CERT1: variants seen among roughly 807,000 people sequenced by gnomAD.
The protein encoded by CERT1 is ceramide transporter 1, also known as ceramide transfer protein.
In CERT1, 31 loss-of-function variants were observed where a neutral mutation model predicts 87.9. The observed-to-expected ratio is 0.35, with a 90% CI of 0.27 to 0.48. The LOEUF is 0.48. Among genes scored for constraint, CERT1 ranks in the 20% least tolerant of loss-of-function variants. CERT1 has a pLI of 0.99. For synonymous variants in CERT1, 289 were observed against 250.9 expected (o/e 1.15, Z -1.44); for missense variants, 487 against 758.0 (o/e 0.64, Z 4.20).
At chr5:75,386,132 A>G (rs1204582456) in intron 12 of CERT1, 98 bp from the exon 13 acceptor site, 2 of 929,932 alleles carry the variant, frequency 2.2e-6, no homozygotes, top group Non-Finnish European at 2.9e-6. Flanking sequence ...TTAGATTTTT[A>G]TGAAAGTCTA....
intron 8 of CERT1, among the ~76,000 whole-genome samples, chr5:75,405,707 A>G (rs1762674684): frequency 6.6e-6 from 1 of 152,184 alleles, no homozygotes; most frequent in South Asian, 2.1e-4. Flanking sequence ...AGAGAAAGAG[A>G]CTACATTCAT....
intron 8 of CERT1, 100 bp from the exon 9 acceptor site, chr5:75,403,158 A>G (rs1762566105): frequency 5.2e-6 from 4 of 762,314 alleles, no homozygotes; most frequent in Non-Finnish European, 9.3e-6. Context: ...GACCTAATAA[A>G]CATTTATTGA....
chr5:75,461,150 T>C (rs1765209978), intron 2 of CERT1, among the ~76,000 whole-genome samples: 2 of 152,194 alleles, frequency 1.3e-5, no homozygotes, highest in South Asian at 4.1e-4. Flanking sequence ...CCCCAGACTC[T>C]AGGTCACAAA....
chr5:75,375,182 C>A (rs1055696676), downstream of CERT1: 2 of 156,980 alleles, frequency 1.3e-5, no homozygotes, highest in African/African-American at 4.8e-5. Flanking sequence ...AAAATTATGA[C>A]ATACAATACT....
intron 2 of CERT1, among the ~76,000 whole-genome samples, chr5:75,480,928 C>A (rs887527309): frequency 6.6e-6 from 1 of 152,190 alleles, no homozygotes; most frequent in Non-Finnish European, 1.5e-5. Flanking sequence ...CCTGCAACAG[C>A]CTTTAAAGGC....
chr5:75,437,976 G>A (rs771235984), intron 3 of CERT1, among the ~76,000 whole-genome samples: 3 of 151,868 alleles, frequency 2.0e-5, no homozygotes, highest in Non-Finnish European at 4.4e-5. Context: ...GTCTACAATT[G>A]TGCTAATGAT....
chr5:75,370,529 T>C (rs1481155047), intron 17 of CERT1: 1 of 152,150 alleles, frequency 6.6e-6, no homozygotes, highest in East Asian at 1.9e-4. Flanking sequence ...CTGGATGTGA[T>C]CCACAGTAAG....
intron 3 of CERT1, among the ~76,000 whole-genome samples, chr5:75,432,658 T>C (rs967553111): frequency 6.6e-6 from 1 of 152,248 alleles, no homozygotes; most frequent in Non-Finnish European, 1.5e-5. Context: ...ATGTTGTCTG[T>C]TTACTCTGTT....
rs754324457 is a variant in CERT1, at chr5:75,382,017, C to T, written c.1549G>A (p.Ala517Thr). The change falls in exon 15 of 17, where the codon GCC (alanine) becomes ACC (threonine). Residue 517 changes from alanine to threonine, a missense_variant. This residue lies in a region of CERT1 where 147 missense variants were observed against 200.8 expected (regional missense o/e 0.73). Coordinates refer to ENST00000643780, the MANE Select transcript of CERT1 (RefSeq NM_001379029.1). ...GTTTCAGGGTCATTTTCAGTCAAGG[C>T]TGGTATCTTTCGAATGACAGAAAGA... ...LYLSVIRKIP[A>T]LTENDPETWI... The T allele has an allele frequency of 1.9e-6, 3 of 1,613,882 alleles. No individual in the cohort carries two copies. In the South Asian group the frequency reaches 3.3e-5, roughly 18 times the overall value.
chr5:75,475,587 A>G (rs900387622), intron 2 of CERT1, among the ~76,000 whole-genome samples: 1 of 152,176 alleles, frequency 6.6e-6, no homozygotes, highest in African/African-American at 2.4e-5. Flanking sequence ...TACCACGATT[A>G]ACATATCCTT....
At chr5:75,397,246 T>A (rs1328170557) in intron 11 of CERT1, among the ~76,000 whole-genome samples, 1 of 152,232 alleles carries the variant, frequency 6.6e-6, no homozygotes, top group Non-Finnish European at 1.5e-5. Context: ...TTTTACCTCT[T>A]CTGGCATATA....
chr5:75,376,401 T>C (rs1761318176), downstream of CERT1: 1 of 151,338 alleles, frequency 6.6e-6, no homozygotes, highest in African/African-American at 2.5e-5. Context: ...AGAAGGCAGA[T>C]ATAGTTAGAG....
At chr5:75,445,958 T>C (rs893558305) in intron 3 of CERT1, among the ~76,000 whole-genome samples, 2 of 152,230 alleles carry the variant, frequency 1.3e-5, no homozygotes, top group Non-Finnish European at 2.9e-5. Context: ...GGATACTCTG[T>C]ATGTCTTTTG....
At chr5:75,398,565 A>G (rs1399688580) in intron 11 of CERT1, among the ~76,000 whole-genome samples, 3 of 152,196 alleles carry the variant, frequency 2.0e-5, no homozygotes, top group South Asian at 2.1e-4. Context: ...CAATCACCAG[A>G]AAGATAAAAA....
intron 3 of CERT1, among the ~76,000 whole-genome samples, chr5:75,431,513 G>A (rs1419067510): frequency 1.3e-5 from 2 of 152,194 alleles, no homozygotes; most frequent in African/African-American, 4.8e-5. Flanking sequence ...GGCAGGAACT[G>A]TTGGCATCAC....
At chr5:75,457,741 G>A (rs1197212966) in intron 3 of CERT1, among the ~76,000 whole-genome samples, 2 of 151,858 alleles carry the variant, frequency 1.3e-5, no homozygotes, top group Non-Finnish European at 2.9e-5. Flanking sequence ...GGTGAGACTG[G>A]TTTTTCTTGG....
chr5:75,462,916 C>T (rs984442665), intron 2 of CERT1, among the ~76,000 whole-genome samples: 112 of 144,108 alleles, frequency 7.8e-4, no homozygotes, highest in African/African-American at 2.9e-3. Flanking sequence ...CACTTGAACC[C>T]GGGAGGTAGA....
chr5:75,444,110 C>T (rs1489410613), intron 3 of CERT1, among the ~76,000 whole-genome samples: 1 of 152,130 alleles, frequency 6.6e-6, no homozygotes, highest in Non-Finnish European at 1.5e-5. Context: ...GGCAGGAGTG[C>T]AGTGGCGTGA....
Position 75,399,316 on chromosome 5 carries a change from G to A in CERT1, c.1182C>T (p.Ser394=). 1.9e-6 allele frequency: 3 copies of A among 1,608,566 alleles called. No individual in the cohort carries two copies. Among genetic ancestry groups the A allele is most frequent in the Non-Finnish European group, 2.6e-6 (3 of 1,174,938 alleles). The change falls in exon 11 of 17, where the codon AGC becomes AGT. Residue 394 remains serine (S), a synonymous_variant. Transcript: ENST00000643780. ...CTATACATTCATACAGTACCTGGGA[G>A]CTGAATCTGTGAACATCATCAGAGG... The part of the protein sequence containing the change: ...VSASDDVHRF[S]SQVEEMVQNH...
Sources: gnomAD v4.1 joint callset for allele counts (sites outside exome capture counted in the v4.1 genomes callset) on GRCh38, gnomAD v4.1.1 for gene constraint, gnomAD v4.1.1 regional missense constraint, MANE v1.5 for transcripts, NCBI Gene and HGNC (gene_info 2026-07-23, HGNC 2026-07-21) for gene names.